DNAJA3: variants seen among roughly 807,000 people sequenced by gnomAD.
The protein encoded by DNAJA3 is dnaJ homolog subfamily A member 3, mitochondrial.
Under a neutral mutation model 54.9 loss-of-function variants are expected in DNAJA3, and 29 were observed. The ratio of observed to expected loss-of-function variants is 0.53; its 90% CI spans 0.39 to 0.72. The LOEUF (loss-of-function observed/expected upper bound fraction) is 0.72, where lower values mean the gene tolerates loss of function less well. Ranked by LOEUF, DNAJA3 falls within the 30% of genes least tolerant of loss-of-function variation. The pLI is 0.00. For synonymous variants in DNAJA3, 302 were observed against 251.4 expected (o/e 1.20, Z -1.90); for missense variants, 708 against 639.4 (o/e 1.11, Z -1.16).
chr16:4,433,667 G>C (rs1031608154), intron 1 of DNAJA3, among the ~76,000 whole-genome samples: 2 of 152,112 alleles, frequency 1.3e-5, no homozygotes, highest in Admixed American at 6.6e-5. Context: ...AAATGTGACA[G>C]AAAAATATGA....
At chr16:4,451,533 G>A (rs1445932455) in intron 10 of DNAJA3, among the ~76,000 whole-genome samples, 2 of 152,130 alleles carry the variant, frequency 1.3e-5, no homozygotes, top group South Asian at 2.1e-4. Context: ...GGGGCAGGTG[G>A]ATCACTTGAA....
chr16:4,453,460 C>T (rs1203434609), intron 10 of DNAJA3, among the ~76,000 whole-genome samples: 3 of 149,744 alleles, frequency 2.0e-5, no homozygotes, highest in South Asian at 2.1e-4. Flanking sequence ...TTTTTGGAGA[C>T]GGAGTCTCAC....
intron 10 of DNAJA3, among the ~76,000 whole-genome samples, chr16:4,450,892 C>T (rs1352984394): frequency 6.6e-6 from 1 of 152,190 alleles, no homozygotes; most frequent in Non-Finnish European, 1.5e-5. Flanking sequence ...GTGCACTTCC[C>T]ACCTGGGACA....
At chr16:4,426,294 G>A (rs2056621445) in intron 1 of DNAJA3, among the ~76,000 whole-genome samples, 1 of 152,204 alleles carries the variant, frequency 6.6e-6, no homozygotes, top group African/African-American at 2.4e-5. Flanking sequence ...GAAGCGTGGA[G>A]CCCCCGGCGG....
intron 3 of DNAJA3, chr16:4,440,152 T>A (rs2056821249): frequency 6.6e-6 from 1 of 152,126 alleles, no homozygotes; most frequent in Non-Finnish European, 1.5e-5. Context: ...TTGCCCAGGC[T>A]GGTCTTGAAC....
In DNAJA3 at chr16:4,437,426, A is replaced by G. The variant is rs763751705; in HGVS notation, c.370A>G (p.Thr124Ala). Residue 124 changes from threonine (T) to alanine (A), a missense_variant, in exon 3 of 12, where the codon ACA becomes GCA. Coordinates refer to ENST00000262375, the MANE Select transcript of DNAJA3 (RefSeq NM_005147.6). Reference protein sequence around the residue: ...YQLAKKYHPDTNKDDPKAKEK... With the variant: ...YQLAKKYHPDANKDDPKAKEK... ...GCTTGCCAAGAAGTATCACCCTGAC[A>G]CAAATAAGGATGATCCCAAAGCCAA... 19 of 1,614,086 alleles carry G rather than the reference A, an allele frequency of 1.2e-5. No homozygotes were observed. Among genetic ancestry groups the G allele is most frequent in the Non-Finnish European group, 1.4e-5 (17 of 1,179,998 alleles).
chr16:4,439,428 A>G (rs1368312015), intron 3 of DNAJA3, among the ~76,000 whole-genome samples: 1 of 151,588 alleles, frequency 6.6e-6, no homozygotes, highest in African/African-American at 2.4e-5. Flanking sequence ...ATCACAGCTC[A>G]CTGCAGTCTC....
rs141363786 is a variant in DNAJA3, at chr16:4,451,521, C to T, written c.1339+1024C>T. On this transcript the variant is annotated intron_variant, in intron 10 of 11. Transcript: ENST00000262375. Reference sequence around the variant, plus strand: ...CCTGTAATCCCAGCACTTTGGGAGGCAGGGGCAGGTGGATCACTTGAAGTC... The same window carrying T: ...CCTGTAATCCCAGCACTTTGGGAGGTAGGGGCAGGTGGATCACTTGAAGTC... Among the ~76,000 whole-genome samples, 38 of 152,066 alleles carry T rather than the reference C, an allele frequency of 2.5e-4. 2 individuals carry two copies. In the East Asian group the frequency reaches 7.0e-3, roughly 28 times the overall value.
chr16:4,445,816 T>A (rs1430158831), intron 7 of DNAJA3, among the ~76,000 whole-genome samples: 1 of 152,172 alleles, frequency 6.6e-6, no homozygotes, highest in Non-Finnish European at 1.5e-5. Flanking sequence ...CCTCCCAAAG[T>A]GCTGGGATTA....
intron 7 of DNAJA3, among the ~76,000 whole-genome samples, chr16:4,446,310 C>G (rs903832377): frequency 6.9e-6 from 1 of 143,970 alleles, no homozygotes; most frequent in African/African-American, 2.6e-5. Context: ...GTGGTGTGAT[C>G]TCTGTTCAGT....
At position 4,444,700 on chromosome 16, in the gene DNAJA3, G is replaced by T. The variant is rs751316297; in HGVS notation, c.968G>T (p.Gly323Val). The stretch of plus-strand genomic sequence containing the variant: ...GGCCAGACCGTGAGGATGCCTGTGG[G>T]AAAAAGGGAAATTTTCATTACGTTC... ...EDGQTVRMPV[G>V]KREIFITFRV... Residue 323 changes from glycine (G) to valine (V), a missense_variant, in exon 7 of 12, where the codon GGA becomes GTA. Gly to Val is a moderately radical substitution (Grantham distance 109). Coordinates refer to ENST00000262375, the MANE Select transcript of DNAJA3 (RefSeq NM_005147.6). 1 of 1,614,032 alleles carries T rather than the reference G, an allele frequency of 6.2e-7. No individual in the cohort carries two copies. The highest frequency in any genetic ancestry group is 1.3e-5 in the African/African-American group (1 of 74,924).
chr16:4,449,754 G>C (rs1489541838), intron 9 of DNAJA3: 2 of 152,260 alleles, frequency 1.3e-5, no homozygotes, highest in Non-Finnish European at 2.9e-5. Context: ...GGTACCTAGG[G>C]CGGGACATGC....
chr16:4,449,809 T>C (rs1163055326), intron 9 of DNAJA3: 1 of 152,068 alleles, frequency 6.6e-6, no homozygotes, highest in Non-Finnish European at 1.5e-5. Context: ...AATTAGATAA[T>C]TTCTTTTTTT....
At chr16:4,427,412 C>T (rs1316029993) in intron 1 of DNAJA3, 1 of 152,180 alleles carries the variant, frequency 6.6e-6, no homozygotes, top group African/African-American at 2.4e-5. Flanking sequence ...GTAATAGTTA[C>T]ATAGTAGACA....
In DNAJA3 at chr16:4,441,576, G is replaced by T. The variant is rs778520822; in HGVS notation, c.630+1G>T. 2 of 1,612,908 alleles carry T rather than the reference G, an allele frequency of 1.2e-6. No homozygotes were observed. Among genetic ancestry groups the T allele is most frequent in the Non-Finnish European group, 1.7e-6 (2 of 1,179,650 alleles). On this transcript the variant is annotated splice_donor_variant, in intron 4 of 11. Coordinates refer to ENST00000262375, the MANE Select transcript of DNAJA3 (RefSeq NM_005147.6). LOFTEE classifies it high-confidence loss of function. ...GACCGTGTTTGATCAGCCTCAGGAAGTAAGTTCCTCACTTGGAAGAATTAT... is the reference window on the plus strand; with the variant it reads ...GACCGTGTTTGATCAGCCTCAGGAATTAAGTTCCTCACTTGGAAGAATTAT...
At chr16:4,448,274 C>T (rs2056929348) in intron 8 of DNAJA3, among the ~76,000 whole-genome samples, 1 of 151,648 alleles carries the variant, frequency 6.6e-6, no homozygotes, top group East Asian at 1.9e-4. Context: ...ATCTGCCTGC[C>T]TCAGCCCCCC....
intron 8 of DNAJA3, chr16:4,447,290 G>T (rs780108435): frequency 2.6e-5 from 11 of 416,236 alleles, no homozygotes; most frequent in African/African-American, 6.1e-5. Context: ...GACACAGAAG[G>T]GTTCACCCTG....
chr16:4,428,185 T>C (rs2056648664), intron 1 of DNAJA3, among the ~76,000 whole-genome samples: 1 of 151,816 alleles, frequency 6.6e-6, no homozygotes, highest in African/African-American at 2.4e-5. Flanking sequence ...TCTCCTGAAC[T>C]TGTGATCCAC....
chr16:4,448,740 C>T lies in DNAJA3; in HGVS notation c.1133C>T (p.Pro378Leu). 1.2e-6 allele frequency: 2 copies of T among 1,613,742 alleles called. No individual in the cohort carries two copies. Among genetic ancestry groups the T allele is most frequent in the Non-Finnish European group, 1.7e-6 (2 of 1,179,738 alleles). Residue 378 changes from proline (P) to leucine (L), a missense_variant, in exon 9 of 12, where the codon CCT becomes CTT. Transcript: ENST00000262375. ...GATTTTCTTTCTTTATAGATCCCCCCTGGGACTCAGACAGACCAGAAGATT... is the reference window on the plus strand; with the variant it reads ...GATTTTCTTTCTTTATAGATCCCCCTTGGGACTCAGACAGACCAGAAGATT... The part of the protein sequence containing the change: ...LYETINVTIP[P>L]GTQTDQKIRM...
Sources: allele counts gnomAD v4.1 joint callset (sites outside exome capture counted in the v4.1 genomes callset), GRCh38; gene constraint gnomAD v4.1.1; transcripts MANE v1.5; gene names NCBI Gene and HGNC (gene_info 2026-07-23, HGNC 2026-07-21).